Variants in ACSS3 observed in about 807,000 individuals in gnomAD.
ACSS3 encodes acyl-CoA synthetase short chain family member 3.
ACSS3 carries 64 observed loss-of-function variants against 84.2 expected under a neutral mutation model. The observed-to-expected ratio is 0.76, with a 90% CI of 0.62 to 0.94. The LOEUF (loss-of-function observed/expected upper bound fraction) is 0.94, where lower values mean the gene tolerates loss of function less well. Among genes scored for constraint, ACSS3 ranks in the 40% least tolerant of loss-of-function variants. ACSS3 has a pLI of 0.00. For missense variants in ACSS3, 815 were observed against 867.6 expected, an observed-to-expected ratio of 0.94 and a Z score of 0.76; for synonymous variants, 317 against 310.1, an observed-to-expected ratio of 1.02 and a Z score of -0.23.
intron 1 of ACSS3, among the ~76,000 whole-genome samples, chr12:81,108,763 C>T (rs960932904): frequency 6.6e-6 from 1 of 152,116 alleles, no homozygotes; most frequent in African/African-American, 2.4e-5. Flanking sequence ...GGTAGTCTGA[C>T]ATTGGAAGAA....
chr12:81,081,471 A>G (rs1463382770), intron 1 of ACSS3, among the ~76,000 whole-genome samples: 1 of 152,208 alleles, frequency 6.6e-6, no homozygotes, highest in Non-Finnish European at 1.5e-5. Flanking sequence ...GAGAGACTTC[A>G]GTGGAGAACT....
chr12:81,192,057 C>G (rs1035839553), intron 8 of ACSS3, among the ~76,000 whole-genome samples: 1 of 152,054 alleles, frequency 6.6e-6, no homozygotes, highest in Non-Finnish European at 1.5e-5. Context: ...ATCATATGGT[C>G]TTGTCTTCCA....
intron 8 of ACSS3, among the ~76,000 whole-genome samples, chr12:81,180,184 A>T (rs2030829498): frequency 6.6e-6 from 1 of 152,224 alleles, no homozygotes; most frequent in South Asian, 2.1e-4. Context: ...AACATTGAGT[A>T]TGCATGGACA....
chr12:81,102,561 G>A lies in ACSS3; in HGVS notation c.312-6999G>A, dbSNP rs147118637. ...AGATTGGCCACGTGCAGTGGCTCAC[G>A]CCTGTAATACCACCATTTTGGGAGG... On this transcript the variant is annotated intron_variant, in intron 1 of 15. Transcript: ENST00000548058. Among the ~76,000 whole-genome samples the A allele has an allele frequency of 3.8e-4, 58 of 152,124 alleles. No homozygotes were observed. The East Asian group carries it at 4.1e-3, about 11-fold the overall frequency.
chr12:81,219,344 C>A (rs1194678927), intron 10 of ACSS3, among the ~76,000 whole-genome samples: 1 of 152,116 alleles, frequency 6.6e-6, no homozygotes, highest in African/African-American at 2.4e-5. Context: ...ACCTTCTTTT[C>A]TCATATCTGC....
At chr12:81,184,722 T>A (rs1162778228) in intron 8 of ACSS3, among the ~76,000 whole-genome samples, 3 of 151,666 alleles carry the variant, frequency 2.0e-5, no homozygotes, top group Non-Finnish European at 4.4e-5. Flanking sequence ...TTAAGTCAAT[T>A]AAAGTGATTT....
At chr12:81,176,273 C>T (rs1037488047) in intron 8 of ACSS3, among the ~76,000 whole-genome samples, 2 of 152,256 alleles carry the variant, frequency 1.3e-5, no homozygotes, top group East Asian at 1.9e-4. Context: ...TGAAAACATA[C>T]AATCTCTTGA....
At chr12:81,152,278 T>C (rs774922978) in intron 7 of ACSS3, among the ~76,000 whole-genome samples, 182 bp downstream of exon 7, 1 of 152,196 alleles carries the variant, frequency 6.6e-6, no homozygotes, top group Non-Finnish European at 1.5e-5. Flanking sequence ...TAGCCTGTTA[T>C]TTAAATTTTG....
At chr12:81,236,484 C>A (rs1163266848) in intron 13 of ACSS3, among the ~76,000 whole-genome samples, 1 of 150,616 alleles carries the variant, frequency 6.6e-6, no homozygotes, top group South Asian at 2.1e-4. Context: ...TTCATTTTTT[C>A]ATTTTTAATC....
rs781027604 is a variant in ACSS3 at position 81,143,242 on chromosome 12, C to T, written c.916C>T (p.Pro306Ser). ...ILYTSGTTGL[P>S]KGVIRPTGGY... ...TTACACATCTGGCACAACGGGGTTA[C>T]CTAAGGTACTCACTCTCTTAGAGAT... Residue 306 changes from proline to serine, a missense_variant, in exon 5 of 16, where the codon CCT becomes TCT. Physicochemically the swap from Pro to Ser is moderately conservative, Grantham distance 74 (BLOSUM62 -1). Coordinates refer to ENST00000548058, the MANE Select transcript of ACSS3 (RefSeq NM_024560.4). 5.0e-6 allele frequency: 8 copies of T among 1,590,698 alleles called. No homozygotes were observed. Among genetic ancestry groups the T allele is most frequent in the Non-Finnish European group, 6.9e-6 (8 of 1,164,278 alleles).
intron 8 of ACSS3, among the ~76,000 whole-genome samples, chr12:81,183,343 C>T (rs950173653): frequency 6.6e-6 from 1 of 152,020 alleles, no homozygotes; most frequent in Non-Finnish European, 1.5e-5. Context: ...AGAAAGGAAT[C>T]AAAGCTTAGC....
At chr12:81,204,309 C>T (rs1354198627) in intron 9 of ACSS3, among the ~76,000 whole-genome samples, 2 of 150,490 alleles carry the variant, frequency 1.3e-5, no homozygotes, top group Non-Finnish European at 3.0e-5. Flanking sequence ...CCTCTTCTTC[C>T]TTCCTCCTCT....
chr12:81,154,644 T>A (rs1453242422), intron 7 of ACSS3, among the ~76,000 whole-genome samples: 1 of 152,202 alleles, frequency 6.6e-6, no homozygotes, highest in Non-Finnish European at 1.5e-5. Context: ...ATTGTTTCAG[T>A]TATTCCTCAT....
chr12:81,137,455 GAT>G (rs939686145), intron 3 of ACSS3, among the ~76,000 whole-genome samples: 1 of 151,872 alleles, frequency 6.6e-6, no homozygotes, highest in African/African-American at 2.4e-5. Flanking sequence ...AGAAGATGGA[GAT>G]ATATATATCT....
chr12:81,231,681 T>C (rs2033470560), intron 12 of ACSS3, among the ~76,000 whole-genome samples: 1 of 151,816 alleles, frequency 6.6e-6, no homozygotes, highest in Non-Finnish European at 1.5e-5. Flanking sequence ...AGAAACAGTG[T>C]ACTCAAAGCC....
chr12:81,177,929 T>C (rs945555254), intron 8 of ACSS3, among the ~76,000 whole-genome samples: 1 of 152,092 alleles, frequency 6.6e-6, no homozygotes, highest in African/African-American at 2.4e-5. Flanking sequence ...ATCTAGAACT[T>C]GAAATACCAT....
At chr12:81,175,051 T>G in intron 8 of ACSS3, 112 bp downstream of exon 8, 1 of 1,176,760 alleles carries the variant, frequency 8.5e-7, no homozygotes, top group Non-Finnish European at 1.1e-6. Context: ...AGCCAAAAGA[T>G]TCAGAGTGTT....
chr12:81,182,161 T>A (rs543996871), intron 8 of ACSS3, among the ~76,000 whole-genome samples: 1 of 152,154 alleles, frequency 6.6e-6, no homozygotes, highest in Non-Finnish European at 1.5e-5. Flanking sequence ...GAGAAAAGCA[T>A]CAAATTACAT....
At chr12:81,177,739 A>G (rs2030597587) in intron 8 of ACSS3, among the ~76,000 whole-genome samples, 1 of 152,220 alleles carries the variant, frequency 6.6e-6, no homozygotes, top group South Asian at 2.1e-4. Flanking sequence ...GCCATCAGAG[A>G]AATGGAAATC....
Sources: gnomAD v4.1 joint callset for allele counts (sites outside exome capture counted in the v4.1 genomes callset) on GRCh38, gnomAD v4.1.1 for gene constraint, MANE v1.5 for transcripts, NCBI Gene and HGNC (gene_info 2026-07-23, HGNC 2026-07-21) for gene names.